Variants in CCDC93 observed in about 807,000 individuals in gnomAD.
CCDC93 encodes the protein CCC complex scaffolding subunit CCDC93.
In CCDC93, 61 loss-of-function variants were observed where a neutral mutation model predicts 108.2. That is an observed-to-expected ratio of 0.56 (90% CI 0.46 to 0.70). CCDC93 has a LOEUF of 0.70. Among genes scored for constraint, CCDC93 ranks in the 30% least tolerant of loss-of-function variants. The pLI is 0.00. For synonymous variants in CCDC93, 276 were observed against 260.4 expected (o/e 1.06, Z -0.58); for missense variants, 685 against 764.2 (o/e 0.90, Z 1.22).
rs539513013 is a variant in CCDC93, at chr2:117,956,412, G to C, written c.1005+1953C>G. On this transcript the variant is annotated intron_variant, in intron 12 of 23. Transcript: ENST00000376300. ...AGACTGCCATTTGTGTTGAGGCTTAGTATTGCTTCTCCCCAGGTTTAGACA... is the reference window on the plus strand; with the variant it reads ...AGACTGCCATTTGTGTTGAGGCTTACTATTGCTTCTCCCCAGGTTTAGACA... Among the ~76,000 whole-genome samples, 4 of 152,306 alleles carry C rather than the reference G, an allele frequency of 2.6e-5. No homozygotes were observed. The South Asian group carries it at 8.3e-4, about 32-fold the overall frequency.
intron 23 of CCDC93, 144 bp from the exon 24 acceptor site, chr2:117,920,540 G>A (rs939201634): frequency 4.0e-6 from 2 of 501,536 alleles, no homozygotes; most frequent in Admixed American, 6.9e-5. Flanking sequence ...CCGCCAGGAT[G>A]GTGAAGCTTC....
chr2:117,944,446 CTA>C (rs1188060157), intron 17 of CCDC93, among the ~76,000 whole-genome samples: 3 of 152,260 alleles, frequency 2.0e-5, no homozygotes, highest in African/African-American at 7.2e-5. Context: ...TGCTAGTTTT[CTA>C]TGTTTCTACT....
At position 118,009,212 on chromosome 2, in the gene CCDC93, A is replaced by G. The variant is rs1005746540; in HGVS notation, c.43-554T>C. ...ATGGTGAAACGCTATCTCAACTAAA[A>G]ATACAAAACTTAGCCAGGTTTGGTG... On this transcript the variant is annotated intron_variant, in intron 1 of 23. Coordinates refer to ENST00000376300, the MANE Select transcript of CCDC93 (RefSeq NM_019044.5). Among the ~76,000 whole-genome samples, 6 of 152,054 alleles carry G rather than the reference A, an allele frequency of 3.9e-5. No homozygotes were observed. The Middle Eastern group carries it at 0.01, about 259-fold the overall frequency.
In CCDC93 at chr2:117,967,832, A is replaced by G. The variant is rs532284337; in HGVS notation, c.888+6076T>C. On this transcript the variant is annotated intron_variant, in intron 11 of 23. Coordinates refer to ENST00000376300, the MANE Select transcript of CCDC93 (RefSeq NM_019044.5). The stretch of plus-strand genomic sequence containing the variant: ...AAGAGTAAAGGTGGTCCACAGCCAC[A>G]TAAACAGATAGTTTCAACTGCATAT... Among the ~76,000 whole-genome samples, 15 of 152,388 alleles carry G rather than the reference A, an allele frequency of 9.8e-5. 1 individual carries two copies. The South Asian group carries it at 3.1e-3, about 32-fold the overall frequency.
intron 4 of CCDC93, chr2:117,998,492 T>C (rs1381350157): frequency 6.6e-6 from 1 of 152,230 alleles, no homozygotes; most frequent in East Asian, 1.9e-4. Flanking sequence ...AAAGTGTCCT[T>C]ACCTGGAAAA....
chr2:118,001,735 A>G (rs1245933111), intron 3 of CCDC93, among the ~76,000 whole-genome samples: 1 of 151,912 alleles, frequency 6.6e-6, no homozygotes, highest in African/African-American at 2.4e-5. Context: ...GAGGTTTCTC[A>G]GCTCAGCCTG....
intron 20 of CCDC93, among the ~76,000 whole-genome samples, chr2:117,938,454 C>G (rs1361602778): frequency 6.6e-6 from 1 of 151,468 alleles, no homozygotes; most frequent in Middle Eastern, 3.2e-3. Flanking sequence ...TTAGTGGGTG[C>G]AGCGCACCAG....
chr2:117,938,796 T>TC (rs961489405), intron 20 of CCDC93, among the ~76,000 whole-genome samples: 2 of 152,140 alleles, frequency 1.3e-5, no homozygotes, highest in African/African-American at 4.8e-5. Flanking sequence ...CAATGGCATT[T>TC]CCCCCACAGC....
chr2:117,926,496 C>G (rs545467324), intron 23 of CCDC93, among the ~76,000 whole-genome samples: 11 of 152,180 alleles, frequency 7.2e-5, no homozygotes, highest in East Asian at 1.9e-4. Flanking sequence ...AACACCTCTA[C>G]GCAAATAAAC....
chr2:117,944,347 T>C (rs1247098235), intron 17 of CCDC93, among the ~76,000 whole-genome samples: 6 of 152,172 alleles, frequency 3.9e-5, no homozygotes, highest in African/African-American at 1.4e-4. Context: ...TCCAAATGTA[T>C]ATGCCCTTCC....
chr2:117,976,317 C>T (rs1679943398), intron 8 of CCDC93, among the ~76,000 whole-genome samples: 1 of 152,126 alleles, frequency 6.6e-6, no homozygotes, highest in Non-Finnish European at 1.5e-5. Context: ...TATATAAAGA[C>T]AATCTTTTCA....
At position 117,939,055 on chromosome 2, in the gene CCDC93, C is replaced by T; in HGVS notation, c.1579G>A (p.Asp527Asn). 6.2e-7 allele frequency: 1 copy of T among 1,600,798 alleles called. No individual in the cohort carries two copies. Among genetic ancestry groups the T allele is most frequent in the Non-Finnish European group, 8.6e-7 (1 of 1,168,716 alleles). Residue 527 changes from aspartate to asparagine, a missense_variant, in exon 20 of 24, where the codon GAT becomes AAT. By Grantham distance (23) the Asp-to-Asn change is conservative (BLOSUM62 1). Coordinates refer to ENST00000376300, the MANE Select transcript of CCDC93 (RefSeq NM_019044.5). ...TCTTTTTCCAAATAAACCTTTTTAT[C>T]ATCCAGGGTATTATATAAAGTGAAG... ...QFFTLYNTLDDKKVYLEKEIS... is the reference protein window; with the variant it reads ...QFFTLYNTLDNKKVYLEKEIS...
In CCDC93 at chr2:117,935,592, C is replaced by G. The variant is rs1283353296; in HGVS notation, c.1644-13G>C. 6.2e-7 allele frequency: 1 copy of G among 1,602,188 alleles called. No homozygotes were observed. Among genetic ancestry groups the G allele is most frequent in the East Asian group, 2.2e-5 (1 of 44,798 alleles). ...GGAGGCCATGGCCCTGAAAGAAAAA[C>G]CAGTAGAGTTATGACCGGCACACAG... is the stretch of plus-strand genomic sequence containing the variant. On this transcript the variant is annotated splice_polypyrimidine_tract_variant and intron_variant, in intron 21 of 23. Coordinates refer to ENST00000376300, the MANE Select transcript of CCDC93 (RefSeq NM_019044.5).
At chr2:118,009,563 T>G (rs10192598) in intron 1 of CCDC93, among the ~76,000 whole-genome samples, 61,278 of 151,860 alleles carry the variant, frequency 0.4, 12,851 homozygotes, top group Middle Eastern at 0.53. Context: ...CTCCAGCTAC[T>G]TGGGAGGCTG....
At chr2:117,946,979 A>T (rs550692468) in intron 15 of CCDC93, 97 bp from the exon 16 acceptor site, 1 of 928,944 alleles carries the variant, frequency 1.1e-6, no homozygotes, top group Admixed American at 1.9e-5. Flanking sequence ...TTCACATTTC[A>T]TGAGTTTATT....
chr2:117,945,722 C>G (rs1399061747), intron 16 of CCDC93, 140 bp from the exon 17 acceptor site: 3 of 670,628 alleles, frequency 4.5e-6, no homozygotes, highest in African/African-American at 3.6e-5. Flanking sequence ...CCGAGCATGT[C>G]TGAAGAGAGC....
chr2:117,936,721 T>C lies in CCDC93; in HGVS notation c.1624A>G (p.Ile542Val), dbSNP rs754761942. 2.4e-5 allele frequency: 38 copies of C among 1,613,532 alleles called. No individual in the cohort carries two copies. Among genetic ancestry groups the C allele is most frequent in the South Asian group, 1.1e-4 (10 of 91,082 alleles). Residue 542 changes from isoleucine (I) to valine (V), a missense_variant, in exon 21 of 24, where the codon ATT (isoleucine) becomes GTT (valine). Coordinates refer to ENST00000376300, the MANE Select transcript of CCDC93 (RefSeq NM_019044.5). ...ACTTACTGTGAGAAGTTCTCATGAA[T>C]TGAGTTCAGCAGACTAATCTGGGGA... Reference protein sequence around the residue: ...LEKEISLLNSIHENFSQAMAS... With the variant: ...LEKEISLLNSVHENFSQAMAS...
chr2:117,994,710 G>C (rs1192383269), intron 6 of CCDC93, among the ~76,000 whole-genome samples: 1 of 152,096 alleles, frequency 6.6e-6, no homozygotes. Flanking sequence ...TCATTTGGGT[G>C]GCATATTAAT....
intron 12 of CCDC93, among the ~76,000 whole-genome samples, chr2:117,953,545 A>G (rs1208206718): frequency 6.6e-6 from 1 of 152,092 alleles, no homozygotes; most frequent in Non-Finnish European, 1.5e-5. Context: ...GATGTTTGCT[A>G]TGGTCTGAAT....
Sources: allele counts gnomAD v4.1 joint callset (sites outside exome capture counted in the v4.1 genomes callset), GRCh38; gene constraint gnomAD v4.1.1; transcripts MANE v1.5; gene names NCBI Gene and HGNC (gene_info 2026-07-23, HGNC 2026-07-21).